ZNF609: variants seen among roughly 807,000 people sequenced by gnomAD.
The protein encoded by ZNF609 is zinc finger protein 609.
ZNF609 carries 11 observed loss-of-function variants against 109.5 expected under a neutral mutation model. That is an observed-to-expected ratio of 0.10 (90% CI 0.06 to 0.17). The LOEUF (loss-of-function observed/expected upper bound fraction) is 0.17, where lower values mean the gene tolerates loss of function less well. Among genes scored for constraint, ZNF609 ranks in the 10% least tolerant of loss-of-function variants. The probability of loss-of-function intolerance (pLI) is 1.00; values close to 1 mark genes in which losing one functional copy is unlikely to be tolerated. For synonymous variants in ZNF609, 646 were observed against 662.0 expected (o/e 0.98, Z 0.37); for missense variants, 1,559 against 1,772.4 (o/e 0.88, Z 2.16).
At position 64,577,258 on chromosome 15, in the gene ZNF609, C is replaced by T. The variant is rs866463013; in HGVS notation, c.748-45569C>T. On this transcript the variant is annotated intron_variant, in intron 2 of 9. Transcript: ENST00000326648. ...ACATACATATATATGTATATATATACACACAAATATATACATATATGTATA... is the reference window on the plus strand; with the variant it reads ...ACATACATATATATGTATATATATATACACAAATATATACATATATGTATA... 1.2e-4 allele frequency among the ~76,000 whole-genome samples: 11 copies of T among 95,592 alleles called. 4 individuals are homozygous for T. The highest frequency in any genetic ancestry group is 2.3e-4 in the Non-Finnish European group (11 of 47,852). 62.7% of individuals were successfully genotyped at this position (95,592 alleles called of 152,430 possible).
intron 2 of ZNF609, among the ~76,000 whole-genome samples, chr15:64,591,221 A>G (rs939686359): frequency 3.2e-4 from 48 of 152,146 alleles, no homozygotes; most frequent in African/African-American, 1.2e-3. Flanking sequence ...TGAGGTCAAG[A>G]GATCGAGACC....
intron 1 of ZNF609, among the ~76,000 whole-genome samples, chr15:64,482,987 T>A (rs1893276761): frequency 6.6e-6 from 1 of 152,206 alleles, no homozygotes; most frequent in Admixed American, 6.5e-5. Context: ...AAATCTGACT[T>A]CAACTAATAA....
intron 3 of ZNF609, among the ~76,000 whole-genome samples, chr15:64,654,967 G>A (rs1156723368): frequency 6.6e-6 from 1 of 151,832 alleles, no homozygotes; most frequent in African/African-American, 2.4e-5. Flanking sequence ...GTGGTGATGG[G>A]CGCCTGTAAT....
intron 3 of ZNF609, among the ~76,000 whole-genome samples, chr15:64,658,173 G>T (rs897428727): frequency 1.3e-5 from 2 of 151,964 alleles, no homozygotes; most frequent in Non-Finnish European, 2.9e-5. Context: ...TTGGTCTCAG[G>T]ACCCCTTTTC....
At chr15:64,636,828 T>C (rs1266958403) in intron 3 of ZNF609, among the ~76,000 whole-genome samples, 1 of 152,236 alleles carries the variant, frequency 6.6e-6, no homozygotes, top group Non-Finnish European at 1.5e-5. Flanking sequence ...CATAGCCTAA[T>C]CTGTTATCCT....
chr15:64,549,641 T>C (rs1358691438), intron 2 of ZNF609, among the ~76,000 whole-genome samples: 2 of 152,156 alleles, frequency 1.3e-5, no homozygotes, highest in African/African-American at 4.8e-5. Context: ...CCAGGTAATC[T>C]GGCTTCAGAG....
At chr15:64,480,161 C>G (rs753311668) in intron 1 of ZNF609, among the ~76,000 whole-genome samples, 2 of 152,012 alleles carry the variant, frequency 1.3e-5, no homozygotes, top group Non-Finnish European at 2.9e-5. Flanking sequence ...ATCGCTTGAA[C>G]CTGGGAGGCA....
At position 64,573,828 on chromosome 15, in the gene ZNF609, T is replaced by C. The variant is rs181313257; in HGVS notation, c.748-48999T>C. Among the ~76,000 whole-genome samples the C allele has an allele frequency of 1.2e-4, 18 of 152,296 alleles. 1 individual carries two copies. The East Asian group carries it at 3.5e-3, about 29-fold the overall frequency. ...GAACTATATGTAAAATATTCATTTT[T>C]TTCCTTGCAACCCCAAATCCAAACA... On this transcript the variant is annotated intron_variant, in intron 2 of 9. Transcript: ENST00000326648.
In ZNF609 at chr15:64,544,489, A is replaced by T. The variant is rs538206551; in HGVS notation, c.747+44323A>T. Among the ~76,000 whole-genome samples the T allele has an allele frequency of 3.3e-5, 5 of 152,366 alleles. No homozygotes were observed. In the South Asian group the frequency reaches 1.0e-3, roughly 32 times the overall value. Reference sequence around the variant, plus strand: ...TTGAAAGTTTTTGCTAAGCAGATTTATGCAGAATGTGATTAAAATAATTTT... The same window carrying T: ...TTGAAAGTTTTTGCTAAGCAGATTTTTGCAGAATGTGATTAAAATAATTTT... On this transcript the variant is annotated intron_variant, in intron 2 of 9. Transcript: ENST00000326648.
rs1329904577 is a variant in ZNF609 at position 64,615,030 on chromosome 15, G to T, written c.748-7797G>T. ...GACGGGGTTTCACCCTGTTGGCCAG[G>T]CTCGTCTCAAACTCCTGACCTCGTG... On this transcript the variant is annotated intron_variant, in intron 2 of 9. Coordinates refer to ENST00000326648, the MANE Select transcript of ZNF609 (RefSeq NM_015042.2). Among the ~76,000 whole-genome samples, 5 of 151,988 alleles carry T rather than the reference G, an allele frequency of 3.3e-5. No individual in the cohort carries two copies. In the South Asian group the frequency reaches 1.0e-3, roughly 32 times the overall value.
chr15:64,622,980 G>C lies in ZNF609; in HGVS notation c.901G>C (p.Glu301Gln). The part of the protein sequence containing the change: ...TCDVALATEP[E>Q]CLGPCEPGTS... ...TGATGTGGCTCTGGCCACAGAGCCT[G>C]AGTGCTTGGGCCCCTGTGAACCTGG... The change falls in exon 3 of 10, where the codon GAG (glutamate) becomes CAG (glutamine). Residue 301 changes from glutamate to glutamine, a missense_variant. Transcript: ENST00000326648. 6.2e-7 allele frequency: 1 copy of C among 1,614,260 alleles called. No individual in the cohort carries two copies. Among genetic ancestry groups the C allele is most frequent in the Non-Finnish European group, 8.5e-7 (1 of 1,180,042 alleles).
At chr15:64,561,536 C>A (rs1183790246) in intron 2 of ZNF609, among the ~76,000 whole-genome samples, 1 of 144,046 alleles carries the variant, frequency 6.9e-6, no homozygotes. Flanking sequence ...ATTTTTCTTT[C>A]TTTTCTTTTC....
chr15:64,508,763 A>G (rs1157167595), intron 2 of ZNF609, among the ~76,000 whole-genome samples: 2 of 147,430 alleles, frequency 1.4e-5, no homozygotes, highest in Non-Finnish European at 3.0e-5. Flanking sequence ...ATCAAGGCTC[A>G]CTGCAGCCTC....
At chr15:64,589,460 G>T (rs117320298) in intron 2 of ZNF609, among the ~76,000 whole-genome samples, 2 of 152,218 alleles carry the variant, frequency 1.3e-5, no homozygotes, top group Non-Finnish European at 2.9e-5. Flanking sequence ...TTTAATTATT[G>T]CAGTAGCTCT....
chr15:64,614,972 C>A (rs1772772744), intron 2 of ZNF609, among the ~76,000 whole-genome samples: 2 of 152,124 alleles, frequency 1.3e-5, no homozygotes, highest in South Asian at 4.2e-4. Context: ...GCACCCGCCA[C>A]CACACCCGGC....
chr15:64,537,115 C>G (rs1446381397), intron 2 of ZNF609, among the ~76,000 whole-genome samples: 12 of 151,306 alleles, frequency 7.9e-5, no homozygotes, highest in African/African-American at 2.9e-4. Flanking sequence ...CCCAGCTACT[C>G]GGGAGGCTGA....
At position 64,675,243 on chromosome 15, in the gene ZNF609, A is replaced by C; in HGVS notation, c.2389A>C (p.Ser797Arg). Reference protein sequence around the residue: ...SIKAEADKIYSFTDNAPSPSI... With the variant: ...SIKAEADKIYRFTDNAPSPSI... ...CAAGGCTGAAGCCGACAAGATCTAC[A>C]GTTTCACGGACAATGCCCCCAGCCC... Residue 797 changes from serine to arginine, a missense_variant, in exon 5 of 10, where the codon AGT becomes CGT. By Grantham distance (110) the Ser-to-Arg change is moderately radical. Around this residue, in one of 4 missense-constraint regions of ZNF609, gnomAD observed 1,204 missense variants for 1,314.1 expected, o/e 0.92. Transcript: ENST00000326648. 1 of 1,614,086 alleles carries C rather than the reference A, an allele frequency of 6.2e-7. No individual in the cohort carries two copies.
At chr15:64,576,958 A>G (rs1456505541) in intron 2 of ZNF609, among the ~76,000 whole-genome samples, 23 of 142,240 alleles carry the variant, frequency 1.6e-4, no homozygotes, top group African/African-American at 5.9e-4. Flanking sequence ...ACATATATGT[A>G]TATATACACA....
chr15:64,528,988 G>C, intron 2 of ZNF609: 2 of 1,508,480 alleles, frequency 1.3e-6, no homozygotes, highest in Non-Finnish European at 1.8e-6. Context: ...GGCCATGCCA[G>C]TGAGCTTCCC....
Sources: gnomAD v4.1 joint callset for allele counts (sites outside exome capture counted in the v4.1 genomes callset) on GRCh38, gnomAD v4.1.1 for gene constraint, gnomAD v4.1.1 regional missense constraint, MANE v1.5 for transcripts, NCBI Gene and HGNC (gene_info 2026-07-23, HGNC 2026-07-21) for gene names.